Variants in C4orf50 observed in about 807,000 individuals in gnomAD.
C4orf50 encodes chromosome 4 open reading frame 50.
C4orf50 carries 80 observed loss-of-function variants against 77.2 expected under a neutral mutation model. The observed-to-expected ratio is 1.04, with a 90% confidence interval of 0.87 to 1.25. The LOEUF (loss-of-function observed/expected upper bound fraction) is 1.25. Among genes scored for constraint, C4orf50 ranks in the 50% most tolerant of loss-of-function variants. The pLI is 0.00. For missense variants in C4orf50, 1,257 were observed against 1,152.9 expected (o/e 1.09, Z -1.31); for synonymous variants, 532 against 465.3 (o/e 1.14, Z -1.84).
chr4:5,953,547 C>T (rs903070495), downstream of C4orf50, among the ~76,000 whole-genome samples: 9 of 152,200 alleles, frequency 5.9e-5, no homozygotes, highest in Non-Finnish European at 1.0e-4. Flanking sequence ...TCAGTGACAG[C>T]AGTATCTTAA....
At position 5,900,736 on chromosome 4, in the gene C4orf50, T is replaced by A. The variant is rs915111444; in HGVS notation, c.*2475-2548A>T. The A allele has an allele frequency of 6.6e-6, 1 of 152,198 alleles. No homozygotes were observed. Among genetic ancestry groups the A allele is most frequent in the African/African-American group, 2.4e-5 (1 of 41,444 alleles). 9.4% of individuals were successfully genotyped at this position (152,198 alleles called of 1,614,324 possible). ...ACTGGACCGCAGATGTCAGTTAACC[T>A]CATCTGGGAATCAGTTTCCTCGCCT... On this transcript the variant is annotated intron_variant, in intron 7 of 7. Transcript: ENST00000324058. This position sits in a 1 kb window ranked among gnomAD's most constrained non-coding sequence, Gnocchi z 4.3.
chr4:5,974,150 C>A (rs1397343938), intron 30 of C4orf50, among the ~76,000 whole-genome samples: 1 of 152,230 alleles, frequency 6.6e-6, no homozygotes, highest in Non-Finnish European at 1.5e-5. Context: ...AAGCTCCCCT[C>A]TGCACCTCGA....
chr4:5,990,720 G>A (rs1277753701), exon 28 of C4orf50: 1 of 399,044 alleles, frequency 2.5e-6, no homozygotes, highest in African/African-American at 2.1e-5. Flanking sequence ...CTGAAATCCA[G>A]GCCAGGTCCA....
intron 7 of C4orf50, among the ~76,000 whole-genome samples, chr4:5,924,495 C>T (rs1717422924): frequency 6.6e-6 from 1 of 152,134 alleles, no homozygotes; most frequent in South Asian, 2.1e-4. Context: ...CAGGAAAGGC[C>T]AGACGGTTTG....
At chr4:6,004,176 ATGATGGTGATGGTGATGATGG>A (rs1722062531) in intron 25 of C4orf50, among the ~76,000 whole-genome samples, 1 of 101,062 alleles carries the variant, frequency 9.9e-6, no homozygotes, top group African/African-American at 3.7e-5. Flanking sequence ...GATGATGGTG[ATGATGGTGATGGTGATGATGG>A]TGATGGTGAT....
exon 28 of C4orf50, chr4:5,989,026 T>C (rs987737771): frequency 6.5e-7 from 1 of 1,536,072 alleles, no homozygotes; most frequent in African/African-American, 1.4e-5. Flanking sequence ...ACTCTTCCCA[T>C]TGCAGTCTTC....
At chr4:5,944,496 C>T (rs939577158) in intron 7 of C4orf50, among the ~76,000 whole-genome samples, 2 of 152,118 alleles carry the variant, frequency 1.3e-5, no homozygotes, top group Admixed American at 6.5e-5. Context: ...AGGGGGCAGC[C>T]CTCAGAGAGA....
At chr4:5,929,194 G>A (rs948507010) in intron 7 of C4orf50, among the ~76,000 whole-genome samples, 2 of 152,102 alleles carry the variant, frequency 1.3e-5, no homozygotes, top group Admixed American at 6.5e-5. Context: ...GATAAATCCC[G>A]CAATTGGTTA....
At chr4:5,973,930 C>A in intron 30 of C4orf50, 89 bp from the exon 9 acceptor site, 1 of 1,030,854 alleles carries the variant, frequency 9.7e-7, no homozygotes, top group Non-Finnish European at 1.4e-6. Flanking sequence ...TCAGCTGAGG[C>A]CCCTACTCAC....
At chr4:6,003,556 G>T (rs1316202056) in intron 25 of C4orf50, among the ~76,000 whole-genome samples, 1 of 149,334 alleles carries the variant, frequency 6.7e-6, no homozygotes, top group African/African-American at 2.5e-5. Context: ...GACTGTGATG[G>T]TGATGGTGAT....
chr4:5,965,134 G>C (rs371381746), exon 33 of C4orf50: 1 of 1,612,642 alleles, frequency 6.2e-7, no homozygotes, highest in South Asian at 1.1e-5. Flanking sequence ...GGATTCAAGA[G>C]GTATGTCTGA....
At chr4:5,997,449 A>T (rs1386313660) in intron 25 of C4orf50, among the ~76,000 whole-genome samples, 1 of 152,206 alleles carries the variant, frequency 6.6e-6, no homozygotes, top group Admixed American at 6.5e-5. Context: ...ACAACCGATG[A>T]AGGCAGTACT....
chr4:5,957,346 C>T (rs1214074341), exon 34 of C4orf50: 1 of 152,266 alleles, frequency 6.6e-6, no homozygotes, highest in Non-Finnish European at 1.5e-5. Context: ...AGCTGGCTGT[C>T]CTCGGCTGCA....
At position 5,994,921 on chromosome 4, in the gene C4orf50, G is replaced by A. The variant is rs148136070; in HGVS notation, c.964-445C>T. Among the ~76,000 whole-genome samples the A allele has an allele frequency of 8.9e-3, 1,359 of 152,246 alleles. 7 individuals carry two copies. Among genetic ancestry groups the A allele is most frequent in the Middle Eastern group, 0.024 (7 of 294 alleles). ...GCAACGGCATTTGATTCTCATAGAA[G>A]CGTGAACCCTATTGTGAACTGCGTA... is the stretch of plus-strand genomic sequence containing the variant. On this transcript the variant is annotated intron_variant, in intron 25 of 33. Transcript: ENST00000531445.
At chr4:5,993,867 AAAGAG>A (rs1345439673) in intron 26 of C4orf50, among the ~76,000 whole-genome samples, 1 of 144,134 alleles carries the variant, frequency 6.9e-6, no homozygotes, top group Non-Finnish European at 1.5e-5. Context: ...TAAAAAAAAA[AAAGAG>A]AGAGAGAGAT....
downstream of C4orf50, among the ~76,000 whole-genome samples, chr4:5,955,185 T>C (rs992214508): frequency 1.3e-5 from 2 of 152,180 alleles, no homozygotes; most frequent in African/African-American, 4.8e-5. The surrounding 1 kb of genome is among the most constrained non-coding windows in gnomAD (Gnocchi z 5.1). Context: ...GGCACTTCCA[T>C]AGCTCTAAGC....
At chr4:6,016,346 C>T (rs180877871) in intron 23 of C4orf50, among the ~76,000 whole-genome samples, 9 of 152,240 alleles carry the variant, frequency 5.9e-5, no homozygotes, top group African/African-American at 2.2e-4. Flanking sequence ...GTCAGACGTT[C>T]GAGACCTGCA....
Position 5,916,393 on chromosome 4 carries a change from C to T in C4orf50, c.*2475-18205G>A, listed in dbSNP as rs1048552273. Among the ~76,000 whole-genome samples, 1 of 134,474 alleles carries T rather than the reference C, an allele frequency of 7.4e-6. No homozygotes were observed. The highest frequency in any genetic ancestry group is 1.9e-4 in the East Asian group (1 of 5,194). 88.2% of individuals were successfully genotyped at this position (134,474 alleles called of 152,430 possible). ...GACAGCCTTGGGTCCCTGCCCACCACAGAGAAGGCTGGGAGCCAGGACCTG... is the reference window on the plus strand; with the variant it reads ...GACAGCCTTGGGTCCCTGCCCACCATAGAGAAGGCTGGGAGCCAGGACCTG... On this transcript the variant is annotated intron_variant, in intron 7 of 7. Transcript: ENST00000324058. The surrounding 1 kb of genome is among the most constrained non-coding windows in gnomAD (Gnocchi z 4.4).
chr4:5,973,314 T>A (rs996501460), intron 31 of C4orf50, among the ~76,000 whole-genome samples: 5 of 152,212 alleles, frequency 3.3e-5, no homozygotes, highest in Admixed American at 2.6e-4. Context: ...CAAAGCAGCC[T>A]GCTAGAGGAA....
Sources: allele counts gnomAD v4.1 joint callset (sites outside exome capture counted in the v4.1 genomes callset), GRCh38; gene constraint gnomAD v4.1.1; non-coding constraint Gnocchi (gnomAD v3.1); transcripts MANE v1.5; gene names NCBI Gene and HGNC (gene_info 2026-07-23, HGNC 2026-07-21).